The following RANBP1 variants were observed in gnomAD, a reference collection of about 807,000 sequenced individuals.
The protein encoded by RANBP1 is RAN binding protein 1.
A neutral mutation model predicts 31.4 loss-of-function variants in RANBP1; 16 were observed. The ratio of observed to expected loss-of-function variants is 0.51; its 90% CI spans 0.34 to 0.77. RANBP1 has a LOEUF of 0.77. RANBP1 is among the 30% of genes least tolerant of loss of function. The pLI, the probability that RANBP1 is intolerant of heterozygous loss-of-function variation, is 0.01. For synonymous variants in RANBP1, 129 were observed against 140.5 expected (o/e 0.92, Z 0.58); for missense variants, 265 against 362.0 (o/e 0.73, Z 2.17).
rs779040015 is a variant in RANBP1, at chr22:20,116,844, C to T, written c.246+414C>T. On this transcript the variant is annotated intron_variant, in intron 1 of 5. Coordinates refer to ENST00000430524, the MANE Select transcript of RANBP1 (RefSeq NM_001278639.2). Reference sequence around the variant, plus strand: ...CCTGACCCACCCCGCCTCCTCCCACCCCATCCCCGTCTCTACCCAGCGTCT... The same window carrying T: ...CCTGACCCACCCCGCCTCCTCCCACTCCATCCCCGTCTCTACCCAGCGTCT... 3.8e-6 allele frequency: 6 copies of T among 1,594,326 alleles called. No individual in the cohort carries two copies. In the African/African-American group the frequency reaches 5.4e-5, roughly 14 times the overall value.
intron 1 of RANBP1, chr22:20,117,280 C>G (rs1038793113): frequency 3.6e-5 from 27 of 742,090 alleles, no homozygotes; most frequent in Non-Finnish European, 4.9e-5. Flanking sequence ...CCCCCAACCA[C>G]TTTAGCCAGC....
intron 1 of RANBP1, chr22:20,118,414 C>G: frequency 7.7e-6 from 7 of 915,020 alleles, no homozygotes; most frequent in Non-Finnish European, 9.3e-6. Context: ...TACAATTTAT[C>G]TAGTTATTAA....
At chr22:20,126,795 GAC>G (rs1204863011) in intron 5 of RANBP1, 155 bp from the exon 6 acceptor site, 40 of 1,342,008 alleles carry the variant, frequency 3.0e-5, no homozygotes, top group Non-Finnish European at 4.0e-5. Context: ...ATTTCAAGAA[GAC>G]AGACTCCAGG....
intron 5 of RANBP1, 91 bp from the exon 6 acceptor site, chr22:20,126,861 T>C: frequency 6.7e-7 from 1 of 1,483,066 alleles, no homozygotes. Context: ...CCGCTGTGGG[T>C]GGGTGACGGC....
chr22:20,118,206 G>A, intron 1 of RANBP1: 16 of 1,002,454 alleles, frequency 1.6e-5, no homozygotes, highest in Non-Finnish European at 1.9e-5. Flanking sequence ...CTGCAGAGCC[G>A]CAGTGCTGTG....
intron 1 of RANBP1, chr22:20,118,457 C>T (rs892786244): frequency 1.5e-5 from 11 of 721,040 alleles, no homozygotes; most frequent in African/African-American, 1.9e-5. Flanking sequence ...AAATTGCTGG[C>T]AGAGCTGTGA....
intron 4 of RANBP1, chr22:20,125,662 A>C (rs755652287): frequency 2.3e-5 from 32 of 1,421,536 alleles, no homozygotes; most frequent in Non-Finnish European, 2.7e-5. Flanking sequence ...GCTGGTGAAC[A>C]GCAGTGCCCG....
chr22:20,127,260 C>G lies in RANBP1; in HGVS notation c.*208C>G. On this transcript the variant is annotated 3_prime_UTR_variant, in exon 6 of 6. Coordinates refer to ENST00000430524, the MANE Select transcript of RANBP1 (RefSeq NM_001278639.2). ...GACTTCAGAAAATCCATTCCCCAGT[C>G]ATGAAAATGTACTGTGCTAACTTTC... The G allele has an allele frequency of 2.5e-6, 1 of 407,662 alleles. No homozygotes were observed. The highest frequency in any genetic ancestry group is 4.5e-6 in the Non-Finnish European group (1 of 220,262). 25.3% of individuals were successfully genotyped at this position (407,662 alleles called of 1,614,324 possible). A position where few individuals can be genotyped will look rare whatever the true frequency, so the allele number is the denominator to read the frequency against.
intron 4 of RANBP1, 40 bp from the exon 5 acceptor site, chr22:20,126,263 G>T: frequency 6.3e-7 from 1 of 1,596,944 alleles, no homozygotes; most frequent in Non-Finnish European, 8.5e-7. Context: ...CTCTTCCACT[G>T]CTCACAGCTC....
intron 5 of RANBP1, 145 bp downstream of exon 5, chr22:20,126,513 C>T (rs1281239023): frequency 1.3e-6 from 2 of 1,589,664 alleles, no homozygotes; most frequent in Non-Finnish European, 1.7e-6. Context: ...ATGCAGCTCC[C>T]TGGGGACACA....
intron 3 of RANBP1, 182 bp downstream of exon 3, chr22:20,122,603 G>A: frequency 6.5e-7 from 1 of 1,530,314 alleles, no homozygotes; most frequent in East Asian, 2.5e-5. Context: ...CTCAGAGCAG[G>A]CCCGCAGCGA....
intron 5 of RANBP1, 62 bp downstream of exon 5, chr22:20,126,430 T>G (rs373021650): frequency 7.5e-5 from 121 of 1,612,214 alleles, no homozygotes; most frequent in Non-Finnish European, 8.6e-5. Context: ...TGACTATACT[T>G]CCAGGCGGGT....
intron 1 of RANBP1, 191 bp downstream of exon 1, chr22:20,116,621 G>A: frequency 6.5e-7 from 1 of 1,529,068 alleles, no homozygotes; most frequent in East Asian, 2.3e-5. Flanking sequence ...CCCTGTGTGG[G>A]GACAGATGGG....
intron 1 of RANBP1, chr22:20,117,543 G>A (rs865834622): frequency 7.8e-7 from 1 of 1,282,958 alleles, no homozygotes; most frequent in East Asian, 4.3e-5. Context: ...GGGCGGGCGG[G>A]AGGCGCCGGC....
At chr22:20,117,516 G>GGGGCGGAGGGAAGAGCGGGC (rs1451317432) in intron 1 of RANBP1, 15 of 1,325,474 alleles carry the variant, frequency 1.1e-5, no homozygotes, top group South Asian at 1.1e-4. Flanking sequence ...TTCGGGTCGT[G>GGGGCGGAGGGAAGAGCGGGC]GGGCGGAGGG....
Position 20,122,301 on chromosome 22 carries a change from C to A in RANBP1, c.421C>A (p.Leu141Ile), listed in dbSNP as rs202103269. ...KLFRFASEND[L>I]PEWKERGTGD... Reference sequence around the variant, plus strand: ...GTTCCGATTTGCCTCTGAGAACGATCTCCCAGAATGGAAGGAGCGAGGCAC... The same window carrying A: ...GTTCCGATTTGCCTCTGAGAACGATATCCCAGAATGGAAGGAGCGAGGCAC... Residue 141 changes from leucine (L) to isoleucine (I), a missense_variant, in exon 3 of 6, where the codon CTC becomes ATC. Leu to Ile is a conservative substitution (Grantham distance 5). This residue lies in a region of RANBP1 where 90 missense variants were observed against 190.5 expected (regional missense o/e 0.47). Transcript: ENST00000430524. 21 of 1,613,084 alleles carry A rather than the reference C, an allele frequency of 1.3e-5. No individual in the cohort carries two copies. The highest frequency in any genetic ancestry group is 1.7e-5 in the Non-Finnish European group (20 of 1,179,882).
At chr22:20,117,370 C>T (rs908197654) in intron 1 of RANBP1, 29 of 1,215,412 alleles carry the variant, frequency 2.4e-5, no homozygotes, top group African/African-American at 4.8e-5. Flanking sequence ...ACGGGCGGGC[C>T]GGGCATGCGC....
intron 3 of RANBP1, chr22:20,124,982 T>C (rs1191970457): frequency 3.0e-6 from 1 of 335,844 alleles, no homozygotes; most frequent in Admixed American, 4.8e-5. Context: ...TCTCTGCATT[T>C]CTGGAGGTGG....
chr22:20,126,931 C>G (rs375149255), intron 5 of RANBP1, 21 bp from the exon 6 acceptor site: 5 of 1,609,482 alleles, frequency 3.1e-6, no homozygotes, highest in Non-Finnish European at 8.5e-7. Flanking sequence ...TGTTTTCTCA[C>G]TGTGCTGCTT....
Sources: allele counts gnomAD v4.1 joint callset, GRCh38; gene constraint gnomAD v4.1.1; regional missense constraint gnomAD v4.1.1; transcripts MANE v1.5; gene names NCBI Gene and HGNC (gene_info 2026-07-23, HGNC 2026-07-21).